Variants in PHF11 observed in about 807,000 individuals in gnomAD.
PHF11 encodes BRCA1 C-terminus-associated protein.
Under a neutral mutation model 40.5 loss-of-function variants are expected in PHF11, and 38 were observed. The ratio of observed to expected loss-of-function variants is 0.94; its 90% CI spans 0.72 to 1.23. The LOEUF (loss-of-function observed/expected upper bound fraction) is 1.23, where lower values mean the gene tolerates loss of function less well. Ranked by LOEUF, PHF11 falls within the 50% of genes most tolerant of loss-of-function variation. The pLI is 0.00. For synonymous variants in PHF11, 127 were observed against 138.2 expected (o/e 0.92, Z 0.57); for missense variants, 369 against 392.4 (o/e 0.94, Z 0.50).
intron 3 of PHF11, among the ~76,000 whole-genome samples, 187 bp downstream of exon 3, chr13:49,513,353 G>A (rs1171783637): frequency 5.5e-5 from 8 of 145,002 alleles, no homozygotes; most frequent in Non-Finnish European, 1.2e-4. Flanking sequence ...TTTTTGAGAC[G>A]GAGTTTTGCT....
intron 2 of PHF11, among the ~76,000 whole-genome samples, chr13:49,511,921 G>A (rs1193575919): frequency 1.3e-5 from 2 of 152,128 alleles, no homozygotes; most frequent in Non-Finnish European, 2.9e-5. Context: ...GTTTGGTTAT[G>A]TTTGTCTTGG....
intron 8 of PHF11, 77 bp downstream of exon 8, chr13:49,524,293 A>G (rs1261974107): frequency 1.6e-5 from 19 of 1,176,364 alleles, no homozygotes; most frequent in Middle Eastern, 2.9e-4. Flanking sequence ...AACCCAAGAA[A>G]AAAAAAAAGG....
intron 1 of PHF11, among the ~76,000 whole-genome samples, chr13:49,501,639 A>G (rs1389247894): frequency 6.6e-6 from 1 of 152,184 alleles, no homozygotes; most frequent in African/African-American, 2.4e-5. Context: ...CATCTCATAC[A>G]TTACAAAACA....
Position 49,528,741 on chromosome 13 carries a change from C to T in PHF11, c.*76C>T. ...AAACCAGAGACCAGGCTGTGAAATC[C>T]ACACATCTTTAGAACTAGTCGTCTC... is the stretch of plus-strand genomic sequence containing the variant. On this transcript the variant is annotated 3_prime_UTR_variant, in exon 10 of 10. Coordinates refer to ENST00000378319, the MANE Select transcript of PHF11 (RefSeq NM_001040443.3). The T allele has an allele frequency of 9.4e-7, 1 of 1,062,012 alleles. No homozygotes were observed. Among genetic ancestry groups the T allele is most frequent in the Non-Finnish European group, 1.4e-6 (1 of 721,510 alleles). The allele number at this position is 1,062,012 out of a possible 1,614,324, so 65.8% of individuals were successfully genotyped here. A position where few individuals can be genotyped will look rare whatever the true frequency, so the allele number is the denominator to read the frequency against.
In PHF11 at chr13:49,521,948, T is replaced by TA. The variant is rs1370715783; in HGVS notation, c.506-90dup. 6.7e-6 allele frequency: 4 copies of TA among 598,670 alleles called. No individual in the cohort carries two copies. The East Asian group carries it at 1.2e-4, about 17-fold the overall frequency. 37.1% of individuals were successfully genotyped at this position (598,670 alleles called of 1,614,324 possible). ...AAGTTTGCCATATCTTTTGACTTTGTAAAAACTTTTGGCATATGAGTTGTA... is the reference window on the plus strand; with the variant it reads ...AAGTTTGCCATATCTTTTGACTTTGTAAAAAACTTTTGGCATATGAGTTGTA... On this transcript the variant is annotated intron_variant, in intron 5 of 9. Coordinates refer to ENST00000378319, the MANE Select transcript of PHF11 (RefSeq NM_001040443.3).
intron 3 of PHF11, among the ~76,000 whole-genome samples, chr13:49,514,221 A>G (rs7988060): frequency 1 from 152,273 of 152,326 alleles, 76,110 homozygotes; most frequent in Middle Eastern, 1. Flanking sequence ...GTTAATAACC[A>G]GGGACAAATG....
chr13:49,525,394 T>C (rs1246371475), intron 8 of PHF11, among the ~76,000 whole-genome samples: 2 of 152,108 alleles, frequency 1.3e-5, no homozygotes, highest in Non-Finnish European at 2.9e-5. Context: ...ATTACAGACA[T>C]GTGCCAACAC....
chr13:49,515,956 A>T (rs1403426848), intron 3 of PHF11, among the ~76,000 whole-genome samples: 1 of 152,224 alleles, frequency 6.6e-6, no homozygotes, highest in East Asian at 1.9e-4. Flanking sequence ...CTCCAACAGC[A>T]CTGGCCATCT....
intron 1 of PHF11, chr13:49,496,377 T>C (rs551370047): frequency 3.5e-6 from 4 of 1,144,838 alleles, no homozygotes; most frequent in South Asian, 8.7e-5. Flanking sequence ...TCGGTTTACC[T>C]CCCCCGCGGG....
At chr13:49,515,539 A>T (rs1488697021) in intron 3 of PHF11, among the ~76,000 whole-genome samples, 3 of 150,996 alleles carry the variant, frequency 2.0e-5, no homozygotes, top group Non-Finnish European at 4.4e-5. Flanking sequence ...AAACAGCACT[A>T]TCATTATCCA....
chr13:49,513,679 G>A (rs1362067849), intron 3 of PHF11, among the ~76,000 whole-genome samples: 1 of 152,172 alleles, frequency 6.6e-6, no homozygotes, highest in African/African-American at 2.4e-5. Flanking sequence ...CCAGTAAAGT[G>A]ATCTGAGTTA....
intron 3 of PHF11, among the ~76,000 whole-genome samples, chr13:49,515,264 C>G (rs1034028408): frequency 1.3e-5 from 2 of 152,076 alleles, no homozygotes; most frequent in Non-Finnish European, 2.9e-5. Context: ...ACATGGCACA[C>G]ACCCAGGGTG....
chr13:49,499,760 T>C (rs1462919154), intron 1 of PHF11, among the ~76,000 whole-genome samples: 2 of 152,122 alleles, frequency 1.3e-5, no homozygotes. Context: ...TAAACACTAA[T>C]GATAAAAGGA....
At chr13:49,522,362 G>A (rs1959192402) in intron 6 of PHF11, among the ~76,000 whole-genome samples, 1 of 152,200 alleles carries the variant, frequency 6.6e-6, no homozygotes, top group Non-Finnish European at 1.5e-5. Context: ...GAAGCTGGAA[G>A]TTCCAAGCAC....
chr13:49,508,336 A>T (rs150978371), intron 2 of PHF11, among the ~76,000 whole-genome samples: 9 of 122,740 alleles, frequency 7.3e-5, no homozygotes, highest in East Asian at 2.8e-4. Flanking sequence ...TACTATATTC[A>T]TATATTACTA....
intron 1 of PHF11, among the ~76,000 whole-genome samples, chr13:49,500,356 C>T (rs1958882975): frequency 6.6e-6 from 1 of 152,192 alleles, no homozygotes; most frequent in African/African-American, 2.4e-5. Context: ...ATCCCTCCCT[C>T]TCTGAATCTG....
chr13:49,518,108 G>C lies in PHF11; in HGVS notation c.415G>C (p.Asp139His). The C allele has an allele frequency of 6.2e-7, 1 of 1,608,666 alleles. No homozygotes were observed. The highest frequency in any genetic ancestry group is 8.5e-7 in the Non-Finnish European group (1 of 1,175,738). ...KNYHFFCAKK[D>H]DAVPQSDGVR... is the part of the protein sequence containing the mutation. ...TTACCACTTTTTCTGTGCCAAGAAGGACGACGCAGTTCCACAGTCTGATGG... is the reference window on the plus strand; with the variant it reads ...TTACCACTTTTTCTGTGCCAAGAAGCACGACGCAGTTCCACAGTCTGATGG... The change falls in exon 4 of 10, where the codon GAC becomes CAC. Residue 139 changes from aspartate to histidine, a missense_variant. By Grantham distance (81) the Asp-to-His change is moderately conservative (BLOSUM62 -1). Coordinates refer to ENST00000378319, the MANE Select transcript of PHF11 (RefSeq NM_001040443.3).
intron 1 of PHF11, among the ~76,000 whole-genome samples, chr13:49,505,121 A>T (rs2139038379): frequency 6.7e-6 from 1 of 149,006 alleles, no homozygotes; most frequent in Non-Finnish European, 1.5e-5. Flanking sequence ...ATAAAAAAAT[A>T]ATAAAAAAAT....
At chr13:49,522,928 C>A (rs1317865083) in intron 6 of PHF11, among the ~76,000 whole-genome samples, 1 of 151,838 alleles carries the variant, frequency 6.6e-6, no homozygotes, top group Non-Finnish European at 1.5e-5. Context: ...CCACGCCTGG[C>A]TAATTTTTGT....
Sources: allele counts gnomAD v4.1 joint callset (sites outside exome capture counted in the v4.1 genomes callset), GRCh38; gene constraint gnomAD v4.1.1; transcripts MANE v1.5; gene names NCBI Gene and HGNC (gene_info 2026-07-23, HGNC 2026-07-21).